Variants in RADX observed in about 807,000 individuals in gnomAD.
RADX encodes RPA-related protein RADX.
In RADX, 36 loss-of-function variants were observed where a neutral mutation model predicts 61.6. The observed-to-expected ratio is 0.58, with a 90% CI of 0.45 to 0.77. RADX has a LOEUF of 0.77. RADX is among the 30% of genes least tolerant of loss of function. RADX has a pLI of 0.00. For missense variants in RADX, 497 were observed against 651.1 expected (o/e 0.76, Z 2.58); for synonymous variants, 272 against 237.9 (o/e 1.14, Z -1.32).
chrX:106,640,610 G>A lies in RADX; in HGVS notation c.1793G>A (p.Gly598Asp). ...AARVEIQERN[G>D]KRHQDDEPVN... ...AGAGTAGAAATTCAAGAAAGAAATG[G>A]TAAACGGCATCAAGATGATGAGCCT... Residue 598 changes from glycine to aspartate, a missense_variant, in exon 10 of 14, where the codon GGT becomes GAT. Coordinates refer to ENST00000372548, the MANE Select transcript of RADX (RefSeq NM_018015.6). 2 of 1,200,792 alleles carry A rather than the reference G, an allele frequency of 1.7e-6. No homozygotes were observed. Among genetic ancestry groups the A allele is most frequent in the South Asian group, 1.8e-5 (1 of 55,802 alleles).
chrX:106,628,881 C>T (rs1927138152), intron 3 of RADX, among the ~76,000 whole-genome samples: 1 of 111,334 alleles, frequency 9.0e-6, no homozygotes, highest in African/African-American at 3.3e-5. Flanking sequence ...GTGATCCACC[C>T]GCCTTGGTCT....
intron 13 of RADX, among the ~76,000 whole-genome samples, chrX:106,673,913 G>A (rs192324039): frequency 9.0e-6 from 1 of 111,084 alleles, no homozygotes; most frequent in East Asian, 2.8e-4. Flanking sequence ...AGCTGAATTT[G>A]GTCCACTTTT....
chrX:106,674,036 G>C lies in RADX; in HGVS notation c.2438-4092G>C, dbSNP rs769941138. ...TACCCTGCCATGGCTGCACCGGGGT[G>C]GGGGGTGGTATTGGTGATTCAGGAG... On this transcript the variant is annotated intron_variant, in intron 13 of 13. Transcript: ENST00000372548. Among the ~76,000 whole-genome samples the C allele has an allele frequency of 2.7e-5, 3 of 111,048 alleles. No homozygotes were observed. In the Admixed American group the frequency reaches 2.9e-4, roughly 11 times the overall value.
chrX:106,647,887 G>C (rs1260844511), intron 10 of RADX, among the ~76,000 whole-genome samples: 1 of 110,086 alleles, frequency 9.1e-6, no homozygotes, highest in Admixed American at 9.7e-5. Context: ...TTCCTTTACA[G>C]TTTTATTTGA....
chrX:106,642,373 C>T (rs1927536064), intron 10 of RADX, among the ~76,000 whole-genome samples: 1 of 111,188 alleles, frequency 9.0e-6, no homozygotes, highest in African/African-American at 3.3e-5. Flanking sequence ...TTTATTTGTA[C>T]CCGTTAAACG....
intron 8 of RADX, among the ~76,000 whole-genome samples, chrX:106,638,991 A>G (rs989337653): frequency 8.9e-6 from 1 of 111,881 alleles, no homozygotes; most frequent in Admixed American, 9.5e-5. Context: ...TTGGAATTGA[A>G]GTACTGATGA....
intron 3 of RADX, among the ~76,000 whole-genome samples, chrX:106,627,388 G>A (rs1406576118): frequency 9.0e-6 from 1 of 111,561 alleles, no homozygotes; most frequent in East Asian, 2.8e-4. Context: ...GGTCTAGTGT[G>A]ATGTTTTGAT....
intron 1 of RADX, among the ~76,000 whole-genome samples, chrX:106,614,299 G>T (rs1926748511): frequency 9.0e-6 from 1 of 111,689 alleles, no homozygotes; most frequent in African/African-American, 3.3e-5. Flanking sequence ...CGCATTGTGT[G>T]ATTTGCTATT....
intron 11 of RADX, among the ~76,000 whole-genome samples, chrX:106,651,360 A>C (rs1005452699): frequency 4.5e-5 from 5 of 111,326 alleles, no homozygotes; most frequent in Admixed American, 9.6e-5. Context: ...TACCTAAACA[A>C]TCAAGCAAGA....
chrX:106,649,547 G>A (rs938609848), intron 11 of RADX, among the ~76,000 whole-genome samples: 2 of 111,650 alleles, frequency 1.8e-5, no homozygotes, highest in African/African-American at 6.5e-5. Flanking sequence ...TTATATAATA[G>A]TAGTACCAGC....
chrX:106,640,196 T>C (rs761793062), intron 9 of RADX, among the ~76,000 whole-genome samples: 8 of 111,017 alleles, frequency 7.2e-5, no homozygotes, highest in African/African-American at 2.3e-4. Context: ...ATAAATAGTT[T>C]AGTATTATAG....
Position 106,632,995 on chromosome X carries a change from A to G in RADX, c.1152A>G (p.Val384=). 8.3e-7 allele frequency: 1 copy of G among 1,209,166 alleles called. No homozygotes were observed. The highest frequency in any genetic ancestry group is 1.1e-6 in the Non-Finnish European group (1 of 893,149). ...ATGTTATTGGCCTTTTAGTTTTTGT[A>G]GGAAGGGTCCAGCGGTCAAAAAAGA... ...ICDVIGLLVF[V]GRVQRSKKKE... Residue 384 remains valine, a synonymous_variant, in exon 5 of 14, where the codon GTA becomes GTG. Transcript: ENST00000372548.
chrX:106,655,912 G>A (rs1326789850), intron 11 of RADX, among the ~76,000 whole-genome samples: 2 of 111,611 alleles, frequency 1.8e-5, no homozygotes, highest in African/African-American at 6.5e-5. Flanking sequence ...CTGAGGAATC[G>A]GCTTTGGCAG....
rs769055353 is a variant in RADX, at chrX:106,619,152, T to C, written c.644-3499T>C. Among the ~76,000 whole-genome samples the C allele has an allele frequency of 3.3e-3, 364 of 111,251 alleles. 3 individuals carry two copies. Among genetic ancestry groups the C allele is most frequent in the African/African-American group, 0.011 (348 of 30,658 alleles). On this transcript the variant is annotated intron_variant, in intron 1 of 13. Transcript: ENST00000372548. ...TGTTACTGAATGTTTTTTTAAAAAA[T>C]TTTATGGGTACATAGTAGGTGTAGA...
intron 11 of RADX, among the ~76,000 whole-genome samples, chrX:106,653,268 A>G (rs974557404): frequency 2.7e-5 from 3 of 111,306 alleles, no homozygotes; most frequent in Admixed American, 1.9e-4. Flanking sequence ...TAGATCAGAA[A>G]TAATAAAAAT....
chrX:106,632,905 A>G (rs758119934), intron 4 of RADX, 27 bp from the exon 5 acceptor site: 1 of 1,116,823 alleles, frequency 9.0e-7, no homozygotes, highest in East Asian at 3.0e-5. Flanking sequence ...AAAATAAAAT[A>G]TTAATTTAGT....
chrX:106,664,350 C>T (rs1466329794), intron 12 of RADX, among the ~76,000 whole-genome samples: 2 of 110,747 alleles, frequency 1.8e-5, no homozygotes, highest in Admixed American at 9.7e-5. Flanking sequence ...ATCAGATCTC[C>T]TGATTCTCTA....
At position 106,678,290 on chromosome X, in the gene RADX, C is replaced by T. The variant is rs751759460; in HGVS notation, c.*32C>T. ...GCAAATGAAATTATTACAGATTATA[C>T]GAGTGTACTGCTTTAAAGATATTCC... On this transcript the variant is annotated 3_prime_UTR_variant, in exon 14 of 14. Transcript: ENST00000372548. 2.0e-5 allele frequency: 20 copies of T among 1,016,371 alleles called. No individual in the cohort carries two copies. Among genetic ancestry groups the T allele is most frequent in the South Asian group, 1.9e-4 (9 of 47,437 alleles). 83.8% of individuals were successfully genotyped at this position (1,016,371 alleles called of 1,213,427 possible). A position where few individuals can be genotyped will look rare whatever the true frequency, so the allele number is the denominator to read the frequency against.
At chrX:106,642,940 C>T (rs995565189) in intron 10 of RADX, among the ~76,000 whole-genome samples, 3 of 111,344 alleles carry the variant, frequency 2.7e-5, no homozygotes, top group African/African-American at 9.8e-5. Flanking sequence ...GGATTTAAGC[C>T]GTTTTAACTG....
Sources: allele counts gnomAD v4.1 joint callset (sites outside exome capture counted in the v4.1 genomes callset), GRCh38; gene constraint gnomAD v4.1.1; transcripts MANE v1.5; gene names NCBI Gene and HGNC (gene_info 2026-07-23, HGNC 2026-07-21).